DTWD2: variants seen among roughly 807,000 people sequenced by gnomAD.
The protein encoded by DTWD2 is DTW motif tRNA-uridine aminocarboxypropyltransferase 2.
Under a neutral mutation model 31.8 loss-of-function variants are expected in DTWD2, and 39 were observed. The observed-to-expected ratio is 1.22, with a 90% CI of 0.95 to 1.60. The LOEUF is 1.60. Among genes scored for constraint, DTWD2 ranks in the 40% most tolerant of loss-of-function variants. DTWD2 has a pLI of 0.00. For missense variants in DTWD2, 515 were observed against 381.5 expected (o/e 1.35, Z -2.92); for synonymous variants, 180 against 142.8 (o/e 1.26, Z -1.86).
intron 4 of DTWD2, among the ~76,000 whole-genome samples, chr5:118,909,757 T>C (rs1753417078): frequency 6.6e-6 from 1 of 152,196 alleles, no homozygotes; most frequent in Non-Finnish European, 1.5e-5. Flanking sequence ...CCAATGACTA[T>C]GTAGCTAACA....
intron 4 of DTWD2, among the ~76,000 whole-genome samples, chr5:118,850,477 CAAAAAAAAAA>C (rs34808087): frequency 0.056 from 1,709 of 30,434 alleles, 18 homozygotes; most frequent in African/African-American, 0.15. Flanking sequence ...GACCCCACCA[CAAAAAAAAAA>C]AAAAAAAAAA....
chr5:118,968,052 T>C (rs557787935), intron 1 of DTWD2, among the ~76,000 whole-genome samples: 9 of 152,272 alleles, frequency 5.9e-5, no homozygotes, highest in South Asian at 2.1e-4. Flanking sequence ...GCTAAAAATA[T>C]AGTATTTTTA....
chr5:118,842,798 T>C (rs1751749964), intron 5 of DTWD2, among the ~76,000 whole-genome samples: 1 of 149,932 alleles, frequency 6.7e-6, no homozygotes, highest in Admixed American at 6.7e-5. Context: ...ATAGAAAAAA[T>C]TAGCCAGACA....
intron 1 of DTWD2, among the ~76,000 whole-genome samples, chr5:118,983,554 T>C (rs1304242246): frequency 6.6e-6 from 1 of 152,120 alleles, no homozygotes; most frequent in Non-Finnish European, 1.5e-5. Flanking sequence ...CCATCACTTT[T>C]TCCTCCAGAA....
chr5:118,842,745 C>G (rs1030848066), intron 5 of DTWD2, among the ~76,000 whole-genome samples: 1 of 149,712 alleles, frequency 6.7e-6, no homozygotes, highest in African/African-American at 2.5e-5. Flanking sequence ...CCAGCCCAGG[C>G]AACATGGCAA....
At chr5:118,883,484 C>T (rs1048786747) in intron 4 of DTWD2, among the ~76,000 whole-genome samples, 2 of 152,126 alleles carry the variant, frequency 1.3e-5, no homozygotes, top group Admixed American at 6.5e-5. Flanking sequence ...CTATATTAGT[C>T]CATTTTCACA....
intron 1 of DTWD2, among the ~76,000 whole-genome samples, chr5:118,965,013 G>A (rs953284833): frequency 3.3e-5 from 5 of 151,306 alleles, no homozygotes; most frequent in South Asian, 2.1e-4. Flanking sequence ...CTGCCCGGCC[G>A]CCCATCGTCT....
Position 118,837,469 on chromosome 5 carries a change from T to G in DTWD2, c.*3448A>C, listed in dbSNP as rs1327602390. ...ACTTGTAGCATCAATAAAATTTACT[T>G]CTGAACCAATAACAACTACAGGCAA... On this transcript the variant is annotated 3_prime_UTR_variant, in exon 6 of 6. Transcript: ENST00000510708. The G allele has an allele frequency of 6.6e-6, 1 of 152,176 alleles. No homozygotes were observed. Among genetic ancestry groups the G allele is most frequent in the East Asian group, 1.9e-4 (1 of 5,196 alleles). The allele number at this position is 152,176 out of a possible 1,614,324, so 9.4% of individuals were successfully genotyped here.
intron 4 of DTWD2, among the ~76,000 whole-genome samples, chr5:118,927,106 C>G (rs986693621): frequency 6.6e-6 from 1 of 151,978 alleles, no homozygotes; most frequent in Non-Finnish European, 1.5e-5. Context: ...CGGAGAGAGA[C>G]AGAGAGCAAA....
chr5:118,849,254 G>C (rs1056639170), intron 4 of DTWD2, among the ~76,000 whole-genome samples: 1 of 151,996 alleles, frequency 6.6e-6, no homozygotes, highest in African/African-American at 2.4e-5. Flanking sequence ...ACATTTATGT[G>C]GCCAACAAAC....
rs1338017627 is a variant in DTWD2 at position 118,836,229 on chromosome 5, T to C, written c.*4688A>G. On this transcript the variant is annotated 3_prime_UTR_variant, in exon 6 of 6. Transcript: ENST00000510708. ...TTCTTACGTTGTTAGTTCAAGTGAA[T>C]CTTATTTTTATTTATTTATTTATTT... 6.6e-6 allele frequency among the ~76,000 whole-genome samples: 1 copy of C among 152,142 alleles called. No individual in the cohort carries two copies.
At chr5:118,865,539 C>T (rs1229188113) in intron 4 of DTWD2, among the ~76,000 whole-genome samples, 2 of 152,056 alleles carry the variant, frequency 1.3e-5, no homozygotes, top group African/African-American at 2.4e-5. Flanking sequence ...TACATTTTGG[C>T]ATGGCCATGT....
chr5:118,874,740 G>C (rs1050080455), intron 4 of DTWD2, among the ~76,000 whole-genome samples: 4 of 152,094 alleles, frequency 2.6e-5, no homozygotes, highest in African/African-American at 9.7e-5. Context: ...TGACTGATTG[G>C]GGTACCTGAA....
At chr5:118,844,489 G>C (rs1751801158) in intron 5 of DTWD2, among the ~76,000 whole-genome samples, 1 of 152,118 alleles carries the variant, frequency 6.6e-6, no homozygotes, top group Admixed American at 6.5e-5. Context: ...GGAAAAGAGG[G>C]GCAAGAGGAT....
intron 4 of DTWD2, among the ~76,000 whole-genome samples, chr5:118,861,568 A>C (rs1306375029): frequency 1.3e-5 from 2 of 150,356 alleles, no homozygotes; most frequent in African/African-American, 2.5e-5. Context: ...GGTTTTAACG[A>C]AACTGATTTT....
chr5:118,986,122 CCTT>C (rs1478915529), intron 1 of DTWD2, among the ~76,000 whole-genome samples: 2 of 152,054 alleles, frequency 1.3e-5, no homozygotes, highest in African/African-American at 4.8e-5. Context: ...TGACCCTCAG[CCTT>C]CTTATGTTAT....
At chr5:118,851,462 G>T (rs1028229771) in intron 4 of DTWD2, among the ~76,000 whole-genome samples, 13 of 151,954 alleles carry the variant, frequency 8.6e-5, no homozygotes, top group African/African-American at 3.1e-4. Context: ...GGGAGGGGGT[G>T]TATGAACAGG....
chr5:118,862,423 G>C (rs1262048404), intron 4 of DTWD2, among the ~76,000 whole-genome samples: 1 of 152,140 alleles, frequency 6.6e-6, no homozygotes, highest in African/African-American at 2.4e-5. Context: ...AAAGCAAAAA[G>C]AATGTTAGAA....
intron 1 of DTWD2, among the ~76,000 whole-genome samples, chr5:118,967,312 T>C (rs1389109383): frequency 6.6e-6 from 1 of 152,204 alleles, no homozygotes; most frequent in African/African-American, 2.4e-5. Flanking sequence ...TATAGGTATA[T>C]GCATGGGTTA....
Sources: allele counts gnomAD v4.1 joint callset (sites outside exome capture counted in the v4.1 genomes callset), GRCh38; gene constraint gnomAD v4.1.1; transcripts MANE v1.5; gene names NCBI Gene and HGNC (gene_info 2026-07-23, HGNC 2026-07-21).